SOAT1: variants seen among roughly 807,000 people sequenced by gnomAD.
SOAT1 encodes the protein acyl-coenzyme A:cholesterol acyltransferase 1.
A neutral mutation model predicts 69.5 loss-of-function variants in SOAT1; 55 were observed. That is an observed-to-expected ratio of 0.79 (90% CI 0.64 to 0.99). SOAT1 has a LOEUF of 0.99. Ranked by LOEUF, SOAT1 falls within the 50% of genes least tolerant of loss-of-function variation. SOAT1 has a pLI of 0.00. For missense variants in SOAT1, 580 were observed against 669.3 expected, an observed-to-expected ratio of 0.87 and a Z score of 1.47; for synonymous variants, 231 against 224.7, an observed-to-expected ratio of 1.03 and a Z score of -0.25.
Position 179,311,361 on chromosome 1 carries a change from A to G in SOAT1, c.118+8559A>G, listed in dbSNP as rs910420852. Among the ~76,000 whole-genome samples, 20 of 152,248 alleles carry G rather than the reference A, an allele frequency of 1.3e-4. No homozygotes were observed. In the East Asian group the frequency reaches 3.7e-3, roughly 28 times the overall value. On this transcript the variant is annotated intron_variant, in intron 2 of 15. Transcript: ENST00000367619. ...AACCTGGGTGACAGAGCAAGACTAT[A>G]TGTTAAAATTTGTAACAAGTTTAAC... is the stretch of plus-strand genomic sequence containing the variant.
intron 10 of SOAT1, among the ~76,000 whole-genome samples, chr1:179,344,354 T>TTG (rs1666451140): frequency 3.1e-4 from 1 of 3,192 alleles, no homozygotes; most frequent in Non-Finnish European, 6.8e-4. Context: ...CATTAAGGGG[T>TTG]TTTTTTTTTT....
At chr1:179,333,064 A>G (rs1329708787) in intron 3 of SOAT1, among the ~76,000 whole-genome samples, 2 of 152,238 alleles carry the variant, frequency 1.3e-5, no homozygotes, top group African/African-American at 2.4e-5. Context: ...GGAATGTGGT[A>G]GGTTTAGTTA....
At chr1:179,325,964 C>A (rs1206593163) in intron 3 of SOAT1, among the ~76,000 whole-genome samples, 1 of 151,830 alleles carries the variant, frequency 6.6e-6, no homozygotes, top group Non-Finnish European at 1.5e-5. Context: ...AATGGTGGAC[C>A]CTGGTTTAGC....
chr1:179,306,208 A>G (rs191610061), intron 2 of SOAT1, among the ~76,000 whole-genome samples: 3 of 152,184 alleles, frequency 2.0e-5, no homozygotes, highest in East Asian at 3.9e-4. Flanking sequence ...AGAAGTAAGT[A>G]AGAAGATAAG....
intron 1 of SOAT1, among the ~76,000 whole-genome samples, chr1:179,295,377 C>CA (rs1322784366): frequency 6.6e-6 from 1 of 152,194 alleles, no homozygotes; most frequent in Non-Finnish European, 1.5e-5. Context: ...CCCCATTAAG[C>CA]CCTCCATGAA....
chr1:179,308,604 G>A lies in SOAT1; in HGVS notation c.118+5802G>A, dbSNP rs187976654. 2.3e-3 allele frequency among the ~76,000 whole-genome samples: 352 copies of A among 151,018 alleles called. 1 individual carries two copies. The highest frequency in any genetic ancestry group is 3.6e-3 in the Non-Finnish European group (242 of 67,850). On this transcript the variant is annotated intron_variant, in intron 2 of 15. Transcript: ENST00000367619. ...GTAGAATCGCTTGAACCTGGGAGAC[G>A]GAGGTTTCAGTGAGCCGAGACCGCG...
chr1:179,294,237 T>C (rs578132638), intron 1 of SOAT1: 2 of 152,302 alleles, frequency 1.3e-5, no homozygotes, highest in Admixed American at 1.3e-4. Context: ...GAAGACGTTT[T>C]ATTCTTTAAA....
intron 2 of SOAT1, among the ~76,000 whole-genome samples, chr1:179,308,728 A>C (rs1002624234): frequency 6.6e-6 from 1 of 152,014 alleles, no homozygotes; most frequent in African/African-American, 2.4e-5. Context: ...TATGCATATA[A>C]ATTTTTTTAC....
chr1:179,316,317 T>C (rs1665391465), intron 2 of SOAT1, among the ~76,000 whole-genome samples: 1 of 145,728 alleles, frequency 6.9e-6, no homozygotes, highest in Non-Finnish European at 1.5e-5. Context: ...GTAGTTGATA[T>C]TCTTTCTGGG....
In SOAT1 at chr1:179,351,453, T is replaced by C; in HGVS notation, c.1587T>C (p.Pro529=). The C allele has an allele frequency of 6.2e-7, 1 of 1,611,132 alleles. No individual in the cohort carries two copies. The highest frequency in any genetic ancestry group is 8.5e-7 in the Non-Finnish European group (1 of 1,179,260). The stretch of plus-strand genomic sequence containing the variant: ...AATGGTATGCACGTCAGCACTGTCC[T>C]CTGAAAAATGTGAGTCACCAACCTG... The part of the protein sequence containing the change: ...SQEWYARQHC[P]LKNPTFLDYV... Residue 529 remains proline (P), a synonymous_variant, in exon 15 of 16, where the codon CCT becomes CCC. Coordinates refer to ENST00000367619, the MANE Select transcript of SOAT1 (RefSeq NM_003101.6).
Position 179,339,441 on chromosome 1 carries a change from A to G in SOAT1, c.393A>G (p.Glu131=). The G allele has an allele frequency of 1.9e-6, 3 of 1,591,376 alleles. No homozygotes were observed. Among genetic ancestry groups the G allele is most frequent in the Non-Finnish European group, 2.6e-6 (3 of 1,169,942 alleles). Residue 131 remains glutamate (E), a synonymous_variant, in exon 6 of 16, where the codon GAA becomes GAG. Transcript: ENST00000367619. ...TTTGTTTGAACTACATTTACAGTGAACTGCTTGAAGTGGACCACATCAGAA... is the reference window on the plus strand; with the variant it reads ...TTTGTTTGAACTACATTTACAGTGAGCTGCTTGAAGTGGACCACATCAGAA... The part of the protein sequence containing the change: ...IFIARRSLLD[E]LLEVDHIRTI...
intron 3 of SOAT1, among the ~76,000 whole-genome samples, chr1:179,326,850 G>A (rs372766416): frequency 2.0e-5 from 3 of 152,008 alleles, no homozygotes; most frequent in Non-Finnish European, 2.9e-5. Flanking sequence ...ATGAGCCACC[G>A]CACCCAGCCA....
chr1:179,294,607 C>G (rs1328196394), intron 1 of SOAT1, among the ~76,000 whole-genome samples: 1 of 152,240 alleles, frequency 6.6e-6, no homozygotes, highest in Admixed American at 6.5e-5. Context: ...TCTCGGCTCA[C>G]TGCAACCTCT....
chr1:179,295,629 A>G (rs60459067), intron 1 of SOAT1, among the ~76,000 whole-genome samples: 3,430 of 152,324 alleles, frequency 0.023, 139 homozygotes, highest in African/African-American at 0.078. Context: ...GGTGCGAAAC[A>G]GAGTACAATA....
chr1:179,312,331 G>A (rs746171918), intron 2 of SOAT1, among the ~76,000 whole-genome samples: 1 of 152,184 alleles, frequency 6.6e-6, no homozygotes, highest in Non-Finnish European at 1.5e-5. Context: ...TGGTGGTGGT[G>A]ATAAGGGACA....
intron 3 of SOAT1, among the ~76,000 whole-genome samples, chr1:179,325,190 C>T (rs1300089142): frequency 6.0e-5 from 8 of 132,604 alleles, no homozygotes; most frequent in African/African-American, 2.2e-4. Flanking sequence ...CGCTCTGTTG[C>T]CCAGGCTGGA....
chr1:179,339,979 A>ATTTT (rs1425878295), intron 6 of SOAT1, among the ~76,000 whole-genome samples: 1 of 152,060 alleles, frequency 6.6e-6, no homozygotes, highest in African/African-American at 2.4e-5. Flanking sequence ...AGAATGGCAG[A>ATTTT]TTTTTCATAT....
rs1463440736 is a variant in SOAT1 at position 179,354,839 on chromosome 1, G to T, written c.*1198G>T. On this transcript the variant is annotated 3_prime_UTR_variant, in exon 16 of 16. Coordinates refer to ENST00000367619, the MANE Select transcript of SOAT1 (RefSeq NM_003101.6). The stretch of plus-strand genomic sequence containing the variant: ...TGTATGTATGAGGTATGATTGTAAA[G>T]ATTGAGCATTGGAAGGGGTATCAGA... The T allele has an allele frequency of 1.3e-5, 2 of 152,186 alleles. No individual in the cohort carries two copies. Among genetic ancestry groups the T allele is most frequent in the African/African-American group, 4.8e-5 (2 of 41,426 alleles). 9.4% of individuals were successfully genotyped at this position (152,186 alleles called of 1,614,324 possible).
chr1:179,327,510 T>A (rs1665832802), intron 3 of SOAT1, among the ~76,000 whole-genome samples: 1 of 152,220 alleles, frequency 6.6e-6, no homozygotes, highest in South Asian at 2.1e-4. Context: ...GGCAGCTGTT[T>A]CAGCTCCACA....
Sources: gnomAD v4.1 joint callset for allele counts (sites outside exome capture counted in the v4.1 genomes callset) on GRCh38, gnomAD v4.1.1 for gene constraint, MANE v1.5 for transcripts, NCBI Gene and HGNC (gene_info 2026-07-23, HGNC 2026-07-21) for gene names.